The following COL23A1 variants were observed in gnomAD, a reference collection of about 807,000 sequenced individuals.
COL23A1 encodes the protein collagen type XXIII alpha 1 chain.
In COL23A1, 97 loss-of-function variants were observed where a neutral mutation model predicts 99.3. The observed-to-expected ratio is 0.98, with a 90% CI of 0.83 to 1.16. The LOEUF is 1.16. Among genes scored for constraint, COL23A1 ranks in the 50% most tolerant of loss-of-function variants. The pLI, the probability that COL23A1 is intolerant of heterozygous loss-of-function variation, is 0.00. For missense variants in COL23A1, 762 were observed against 757.4 expected, an observed-to-expected ratio of 1.01 and a Z score of -0.07; for synonymous variants, 320 against 308.2, an observed-to-expected ratio of 1.04 and a Z score of -0.40.
chr5:178,331,545 A>G (rs779915608), intron 2 of COL23A1, among the ~76,000 whole-genome samples: 7 of 152,244 alleles, frequency 4.6e-5, no homozygotes, highest in Non-Finnish European at 2.9e-5. Flanking sequence ...ATGGTCCCCA[A>G]GGAATCCGCG....
In COL23A1 at chr5:178,280,889, C is replaced by T. The variant is rs1756861934; in HGVS notation, c.441+7435G>A. Among the ~76,000 whole-genome samples, 1 of 152,210 alleles carries T rather than the reference C, an allele frequency of 6.6e-6. No homozygotes were observed. Among genetic ancestry groups the T allele is most frequent in the Non-Finnish European group, 1.5e-5 (1 of 68,044 alleles). On this transcript the variant is annotated intron_variant, in intron 5 of 28. Transcript: ENST00000390654. This position sits in a 1 kb window ranked among gnomAD's most constrained non-coding sequence, Gnocchi z 4.9. ...AGGCATCTGGGAGCCGAGGGCGGAG[C>T]AGCAGCTCGGGCCCCACTGACCTGG...
intron 2 of COL23A1, among the ~76,000 whole-genome samples, chr5:178,334,699 A>T (rs77129119): frequency 0.023 from 3,564 of 152,316 alleles, 45 homozygotes; most frequent in South Asian, 0.052. Flanking sequence ...ATCTGCACTT[A>T]AAGACAGCGA....
At chr5:178,519,364 G>C (rs902958920) in intron 2 of COL23A1, among the ~76,000 whole-genome samples, 1 of 152,212 alleles carries the variant, frequency 6.6e-6, no homozygotes, top group African/African-American at 2.4e-5. Context: ...GGGGTGTGCA[G>C]ACTCACAAGT....
intron 2 of COL23A1, among the ~76,000 whole-genome samples, chr5:178,533,576 C>A (rs545769921): frequency 7.2e-5 from 11 of 152,328 alleles, no homozygotes; most frequent in African/African-American, 2.4e-4. Context: ...CGGCTCACTG[C>A]AACCTTCACC....
At chr5:178,572,055 G>C (rs576831996) in intron 1 of COL23A1, among the ~76,000 whole-genome samples, 1 of 76,258 alleles carries the variant, frequency 1.3e-5, no homozygotes, top group Non-Finnish European at 2.3e-5. Flanking sequence ...GTGACAGAGC[G>C]AGACTCTTTC....
chr5:178,572,549 CA>C (rs1276007194), intron 1 of COL23A1, among the ~76,000 whole-genome samples: 2 of 152,112 alleles, frequency 1.3e-5, no homozygotes, highest in Non-Finnish European at 2.9e-5. Context: ...ATGACATATA[CA>C]TGAGCAACTG....
chr5:178,458,358 A>G (rs958642625), intron 2 of COL23A1, among the ~76,000 whole-genome samples: 5 of 152,164 alleles, frequency 3.3e-5, no homozygotes, highest in Non-Finnish European at 5.9e-5. Context: ...GAAGAGTAAC[A>G]GAGCCGGGCA....
At chr5:178,296,411 A>G (rs994215902) in intron 3 of COL23A1, among the ~76,000 whole-genome samples, 1 of 152,166 alleles carries the variant, frequency 6.6e-6, no homozygotes, top group African/African-American at 2.4e-5. Flanking sequence ...AGGCCCAGAA[A>G]GGCTACCATG....
intron 2 of COL23A1, among the ~76,000 whole-genome samples, chr5:178,328,679 T>C (rs1759835799): frequency 2.0e-5 from 3 of 152,010 alleles, no homozygotes; most frequent in African/African-American, 7.3e-5. Flanking sequence ...TTTAAGGGGG[T>C]GCATGCTCAA....
intron 2 of COL23A1, among the ~76,000 whole-genome samples, chr5:178,493,310 C>G (rs932375429): frequency 1.3e-5 from 2 of 152,224 alleles, no homozygotes; most frequent in African/African-American, 2.4e-5. Context: ...CCCTGCTCCA[C>G]GAGGCACGGA....
chr5:178,327,280 A>AT, intron 2 of COL23A1, among the ~76,000 whole-genome samples: 1 of 152,204 alleles, frequency 6.6e-6, no homozygotes, highest in African/African-American at 2.4e-5. Flanking sequence ...CAAACAGCCA[A>AT]TTACAGCACA....
At chr5:178,311,738 G>T (rs143128904) in intron 2 of COL23A1, among the ~76,000 whole-genome samples, 4,527 of 31,704 alleles carry the variant, frequency 0.14, 751 homozygotes, top group Non-Finnish European at 0.17. Context: ...GTTTTGTTTT[G>T]TTTTTTTTTT....
Position 178,360,575 on chromosome 5 carries a change from C to T in COL23A1, c.362-53656G>A, listed in dbSNP as rs551013025. 1.1e-3 allele frequency among the ~76,000 whole-genome samples: 166 copies of T among 152,318 alleles called. 1 individual carries two copies. Among genetic ancestry groups the T allele is most frequent in the Non-Finnish European group, 1.2e-3 (83 of 68,024 alleles). ...GTGTTCAAATCCCTCACTAGACTGC[C>T]AGATGCAGAACTGTTGGCAAACACC... On this transcript the variant is annotated intron_variant, in intron 2 of 28. Coordinates refer to ENST00000390654, the MANE Select transcript of COL23A1 (RefSeq NM_173465.4).
intron 2 of COL23A1, among the ~76,000 whole-genome samples, chr5:178,392,311 C>T (rs1296586855): frequency 1.3e-5 from 2 of 152,130 alleles, no homozygotes; most frequent in Non-Finnish European, 2.9e-5. Context: ...CGCAGCATCA[C>T]AATCTGCCCT....
chr5:178,588,411 TAA>T (rs1764106252), intron 1 of COL23A1, among the ~76,000 whole-genome samples: 1 of 152,174 alleles, frequency 6.6e-6, no homozygotes, highest in African/African-American at 2.4e-5. Context: ...TTTTAGCAAA[TAA>T]GAGAGGCCTC....
At chr5:178,576,761 C>T (rs1218719309) in intron 1 of COL23A1, among the ~76,000 whole-genome samples, 2 of 152,108 alleles carry the variant, frequency 1.3e-5, no homozygotes, top group East Asian at 3.9e-4. Flanking sequence ...ACGGGTCCCC[C>T]GGCGACCGCC....
At chr5:178,570,112 CTTT>C (rs11374428) in intron 1 of COL23A1, among the ~76,000 whole-genome samples, 1 of 142,070 alleles carries the variant, frequency 7.0e-6, no homozygotes, top group African/African-American at 2.6e-5. Flanking sequence ...TTTTCTTTTT[CTTT>C]TTTTTTTTTT....
intron 3 of COL23A1, among the ~76,000 whole-genome samples, chr5:178,304,066 A>G (rs1238657102): frequency 1.3e-5 from 2 of 152,238 alleles, no homozygotes; most frequent in East Asian, 1.9e-4. Context: ...CCCATTTCAG[A>G]TAGAGACATA....
At chr5:178,472,285 G>C (rs1402887030) in intron 2 of COL23A1, among the ~76,000 whole-genome samples, 5 of 152,216 alleles carry the variant, frequency 3.3e-5, no homozygotes, top group African/African-American at 1.2e-4. Flanking sequence ...CGAATCAACT[G>C]AGACCCAATG....
Sources: allele counts gnomAD v4.1 joint callset (sites outside exome capture counted in the v4.1 genomes callset), GRCh38; gene constraint gnomAD v4.1.1; non-coding constraint Gnocchi (gnomAD v3.1); transcripts MANE v1.5; gene names NCBI Gene and HGNC (gene_info 2026-07-23, HGNC 2026-07-21).